Variants in FOXP2 observed in about 807,000 individuals in gnomAD.
FOXP2 encodes the protein forkhead box P2.
In FOXP2, 12 loss-of-function variants were observed where a neutral mutation model predicts 115.8. The ratio of observed to expected loss-of-function variants is 0.10; its 90% CI spans 0.07 to 0.17. The LOEUF (loss-of-function observed/expected upper bound fraction) is 0.17, where lower values mean the gene tolerates loss of function less well. Ranked by LOEUF, FOXP2 falls within the 10% of genes least tolerant of loss-of-function variation. FOXP2 has a pLI of 1.00. For synonymous variants in FOXP2, 328 were observed against 297.7 expected, an observed-to-expected ratio of 1.10 and a Z score of -1.05; for missense variants, 629 against 843.5, an observed-to-expected ratio of 0.75 and a Z score of 3.15.
chr7:114,439,408 A>G (rs1794500064), intron 2 of FOXP2, among the ~76,000 whole-genome samples: 1 of 152,174 alleles, frequency 6.6e-6, no homozygotes, highest in Admixed American at 6.5e-5. Flanking sequence ...CATAAGAATA[A>G]TCTTCAAATT....
chr7:114,384,437 C>A (rs1792389633), intron 2 of FOXP2, among the ~76,000 whole-genome samples: 1 of 152,178 alleles, frequency 6.6e-6, no homozygotes, highest in African/African-American at 2.4e-5. Flanking sequence ...ACAGCTCGCA[C>A]ATTTGAGGAG....
chr7:114,367,480 A>C (rs1023677309), intron 2 of FOXP2, among the ~76,000 whole-genome samples: 1 of 152,128 alleles, frequency 6.6e-6, no homozygotes. Context: ...TATTCTCAAG[A>C]GTATATCATA....
At position 114,607,151 on chromosome 7, in the gene FOXP2, T is replaced by C. The variant is rs560190619; in HGVS notation, c.259-21389T>C. ...ATAACTGGGCTAGTATCTGTTTATT[T>C]TATAAGGCCACAGATGCAGAACTGA... is the stretch of plus-strand genomic sequence containing the variant. On this transcript the variant is annotated intron_variant, in intron 3 of 16. Transcript: ENST00000350908. 1.3e-4 allele frequency among the ~76,000 whole-genome samples: 20 copies of C among 152,292 alleles called. No individual in the cohort carries two copies. In the South Asian group the frequency reaches 4.1e-3, roughly 32 times the overall value.
rs901606754 is a variant in FOXP2, at chr7:114,471,847, C to T, written c.168+45168C>T. On this transcript the variant is annotated intron_variant, in intron 2 of 16. Transcript: ENST00000350908. ...TGGTGGCGGGCACCTGTAATCCCAG[C>T]TACTCCGGAGGCTGAGGCAGGAGAA... Among the ~76,000 whole-genome samples the T allele has an allele frequency of 2.0e-5, 3 of 151,396 alleles. 1 individual carries two copies. The highest frequency in any genetic ancestry group is 2.0e-4 in the Admixed American group (3 of 15,178).
chr7:114,678,547 CTTTTTTTTTTTT>C lies in FOXP2; in HGVS notation c.2004-11220_2004-11209del, dbSNP rs35525759. ...TACTTCTCTCCGGAAATAAGTGACT[CTTTTTTTTTTTT>C]TTTTTTTTTTTTTTGCTTGAGAAAC... is the stretch of plus-strand genomic sequence containing the variant. On this transcript the variant is annotated intron_variant, in intron 16 of 16. Transcript: ENST00000350908. 4.4e-3 allele frequency among the ~76,000 whole-genome samples: 214 copies of C among 48,418 alleles called. 3 individuals carry two copies. Among genetic ancestry groups the C allele is most frequent in the African/African-American group, 0.014 (196 of 14,328 alleles). The allele number at this position is 48,418 out of a possible 152,430, so 31.8% of individuals were successfully genotyped here.
intron 1 of FOXP2, among the ~76,000 whole-genome samples, chr7:114,144,299 G>A (rs1208246480): frequency 2.0e-5 from 3 of 152,080 alleles, no homozygotes; most frequent in Admixed American, 6.6e-5. Context: ...GTTTGAAACA[G>A]TATATTTACA....
chr7:114,246,547 A>T (rs1422109988), intron 1 of FOXP2, among the ~76,000 whole-genome samples: 2 of 152,132 alleles, frequency 1.3e-5, no homozygotes, highest in East Asian at 3.9e-4. Context: ...TTTGGAACTT[A>T]TGGTATTGAG....
chr7:114,159,517 T>A (rs1305532271), upstream of FOXP2, among the ~76,000 whole-genome samples: 1 of 151,534 alleles, frequency 6.6e-6, no homozygotes, highest in Non-Finnish European at 1.5e-5. Flanking sequence ...AAACAGTAAT[T>A]TATTTATGAA....
At chr7:114,545,665 A>G (rs1799884093) in intron 3 of FOXP2, among the ~76,000 whole-genome samples, 1 of 152,116 alleles carries the variant, frequency 6.6e-6, no homozygotes, top group Non-Finnish European at 1.5e-5. Flanking sequence ...CTCATTGTCC[A>G]TTACCTGGTT....
chr7:114,643,706 G>A (rs1018206506), intron 7 of FOXP2, among the ~76,000 whole-genome samples: 1 of 152,064 alleles, frequency 6.6e-6, no homozygotes, highest in Non-Finnish European at 1.5e-5. Context: ...TTTGCATATA[G>A]TTCATAAACT....
At chr7:114,261,495 T>C (rs992362106) in intron 1 of FOXP2, among the ~76,000 whole-genome samples, 1 of 152,190 alleles carries the variant, frequency 6.6e-6, no homozygotes, top group African/African-American at 2.4e-5. Flanking sequence ...TAAACATTTT[T>C]AAAATGTTTA....
chr7:114,633,546 A>T (rs1011614761), intron 6 of FOXP2, among the ~76,000 whole-genome samples: 1 of 152,214 alleles, frequency 6.6e-6, no homozygotes, highest in African/African-American at 2.4e-5. Context: ...AGGTTAAAAA[A>T]ATCCATCTGA....
At chr7:114,546,642 C>T (rs893071596) in intron 3 of FOXP2, among the ~76,000 whole-genome samples, 4 of 152,018 alleles carry the variant, frequency 2.6e-5, no homozygotes, top group African/African-American at 9.7e-5. Flanking sequence ...TTTGAGGCCC[C>T]TAATCCCTGG....
At chr7:114,329,041 G>A (rs935867729) in intron 2 of FOXP2, among the ~76,000 whole-genome samples, 2 of 152,130 alleles carry the variant, frequency 1.3e-5, no homozygotes, top group African/African-American at 2.4e-5. Flanking sequence ...TGAAATCACA[G>A]ACTTCAATTT....
chr7:114,174,591 A>G (rs1302057874), intron 1 of FOXP2, among the ~76,000 whole-genome samples: 1 of 152,072 alleles, frequency 6.6e-6, no homozygotes. Context: ...GTTCAGAAAA[A>G]TGTGCATTAG....
intron 2 of FOXP2, among the ~76,000 whole-genome samples, chr7:114,459,405 G>T (rs1562939296): frequency 6.6e-6 from 1 of 152,166 alleles, no homozygotes; most frequent in African/African-American, 2.4e-5. Context: ...AAACAGAAAG[G>T]TTAAATGGGC....
At chr7:114,314,833 G>C (rs1322785063) in intron 2 of FOXP2, among the ~76,000 whole-genome samples, 2 of 152,138 alleles carry the variant, frequency 1.3e-5, no homozygotes, top group Non-Finnish European at 2.9e-5. Context: ...TGTGTGTTTT[G>C]TGAGGCATGG....
intron 2 of FOXP2, among the ~76,000 whole-genome samples, chr7:114,377,156 T>A (rs748565468): frequency 2.6e-5 from 4 of 151,890 alleles, no homozygotes; most frequent in Non-Finnish European, 5.9e-5. Flanking sequence ...TTTAAAAGAG[T>A]GATGGATGGT....
intron 2 of FOXP2, among the ~76,000 whole-genome samples, chr7:114,309,253 C>T (rs188511150): frequency 5.3e-5 from 8 of 152,278 alleles, no homozygotes; most frequent in Non-Finnish European, 7.4e-5. Flanking sequence ...GCTCTCTTCT[C>T]GTCACTCTGT....
Sources: gnomAD v4.1 joint callset for allele counts (sites outside exome capture counted in the v4.1 genomes callset) on GRCh38, gnomAD v4.1.1 for gene constraint, MANE v1.5 for transcripts, NCBI Gene and HGNC (gene_info 2026-07-23, HGNC 2026-07-21) for gene names.